The following ZBTB20 variants were observed in gnomAD, a reference collection of about 807,000 sequenced individuals.
ZBTB20 encodes zinc finger and BTB domain containing 20, also known as zinc finger and BTB domain-containing protein 20.
ZBTB20 carries 9 observed loss-of-function variants against 56.9 expected under a neutral mutation model. The ratio of observed to expected loss-of-function variants is 0.16; its 90% CI spans 0.10 to 0.28. ZBTB20 has a LOEUF of 0.28. Ranked by LOEUF, ZBTB20 falls within the 10% of genes least tolerant of loss-of-function variation. ZBTB20 has a pLI of 1.00. For synonymous variants in ZBTB20, 417 were observed against 420.7 expected (o/e 0.99, Z 0.11); for missense variants, 655 against 1,003.0 (o/e 0.65, Z 4.69).
chr3:114,521,689 T>TA (rs2109935886), intron 6 of ZBTB20, among the ~76,000 whole-genome samples: 1 of 152,296 alleles, frequency 6.6e-6, no homozygotes, highest in Admixed American at 6.5e-5. Context: ...TATTCCCTGA[T>TA]AAACATTTAC....
chr3:114,332,013 G>T lies in ZBTB20; in HGVS notation c.*6992C>A, dbSNP rs561736673. On this transcript the variant is annotated 3_prime_UTR_variant, in exon 12 of 12. Transcript: ENST00000675478. ...ATATAAATTGCAATGAGTTTGCTGG[G>T]TAAAAACAACTGTTGCAACACTAGT... 6.7e-6 allele frequency: 1 copy of T among 149,726 alleles called. No homozygotes were observed. Among genetic ancestry groups the T allele is most frequent in the African/African-American group, 2.5e-5 (1 of 40,764 alleles). The allele number at this position is 149,726 out of a possible 1,614,324, so 9.3% of individuals were successfully genotyped here. A position where few individuals can be genotyped will look rare whatever the true frequency, so the allele number is the denominator to read the frequency against.
At chr3:114,629,398 A>C (rs1255305298) in intron 6 of ZBTB20, among the ~76,000 whole-genome samples, 1 of 152,154 alleles carries the variant, frequency 6.6e-6, no homozygotes, top group South Asian at 2.1e-4. Flanking sequence ...ACATCTTTTC[A>C]GGGTCAACAA....
intron 6 of ZBTB20, among the ~76,000 whole-genome samples, chr3:114,514,441 C>T (rs2045754395): frequency 6.6e-6 from 1 of 152,088 alleles, no homozygotes; most frequent in Non-Finnish European, 1.5e-5. Flanking sequence ...GGAGACAGGG[C>T]CCATAGGAGC....
chr3:115,058,911 T>C lies in ZBTB20; in HGVS notation c.-507+12308A>G, dbSNP rs76201133. ...TGTGCTTCAGATTGGATAGTTTCTATTGCTATGTCTTCACATTCACTAATC... is the reference window on the plus strand; with the variant it reads ...TGTGCTTCAGATTGGATAGTTTCTACTGCTATGTCTTCACATTCACTAATC... On this transcript the variant is annotated intron_variant, in intron 2 of 11. Transcript: ENST00000675478. 3.9e-3 allele frequency among the ~76,000 whole-genome samples: 596 copies of C among 152,322 alleles called. 4 individuals carry two copies. Among genetic ancestry groups the C allele is most frequent in the African/African-American group, 0.013 (556 of 41,576 alleles).
In ZBTB20 at chr3:114,580,661, A is replaced by G. The variant is rs931579119; in HGVS notation, c.-294-80270T>C. Reference sequence around the variant, plus strand: ...CAGCAAAGTTGCTGAATATATAACAATAATAACCAATAAACAATGAAATGG... The same window carrying G: ...CAGCAAAGTTGCTGAATATATAACAGTAATAACCAATAAACAATGAAATGG... On this transcript the variant is annotated intron_variant, in intron 6 of 11. Coordinates refer to ENST00000675478, the MANE Select transcript of ZBTB20 (RefSeq NM_001348800.3). 7.2e-5 allele frequency among the ~76,000 whole-genome samples: 11 copies of G among 151,898 alleles called. No individual in the cohort carries two copies. The East Asian group carries it at 1.9e-3, about 27-fold the overall frequency.
At chr3:114,341,917 G>A (rs2079805762) in intron 11 of ZBTB20, among the ~76,000 whole-genome samples, 1 of 152,188 alleles carries the variant, frequency 6.6e-6, no homozygotes, top group Non-Finnish European at 1.5e-5. Flanking sequence ...GTCACTGAAT[G>A]CATTAACAGT....
At chr3:115,021,434 C>A (rs1043851408) in intron 2 of ZBTB20, among the ~76,000 whole-genome samples, 1 of 150,614 alleles carries the variant, frequency 6.6e-6, no homozygotes, top group Non-Finnish European at 1.5e-5. Flanking sequence ...CACATATACA[C>A]GTAAAGTTAA....
chr3:114,728,912 A>G (rs1287184915), intron 5 of ZBTB20, among the ~76,000 whole-genome samples: 1 of 151,980 alleles, frequency 6.6e-6, no homozygotes, highest in Admixed American at 6.6e-5. Flanking sequence ...TCATGTCCTC[A>G]GGGGAGGGCA....
intron 5 of ZBTB20, among the ~76,000 whole-genome samples, chr3:114,733,358 C>A (rs990769244): frequency 6.6e-6 from 1 of 152,160 alleles, no homozygotes; most frequent in Non-Finnish European, 1.5e-5. Context: ...GCAGAGTGTG[C>A]CTGCTTCTGC....
chr3:114,954,375 C>T (rs2077175548), intron 3 of ZBTB20, among the ~76,000 whole-genome samples: 1 of 152,018 alleles, frequency 6.6e-6, no homozygotes, highest in African/African-American at 2.4e-5. Context: ...AGGTAGGTAG[C>T]TATAAAAATA....
rs1367103357 is a variant in ZBTB20 at position 114,979,959 on chromosome 3, C to A, written c.-506-5543G>T. Reference sequence around the variant, plus strand: ...TGAAATAAAGTCAAATTCCATGGAGCTGGAGCTCGAGAGCAACAACAAAAG... The same window carrying A: ...TGAAATAAAGTCAAATTCCATGGAGATGGAGCTCGAGAGCAACAACAAAAG... On this transcript the variant is annotated intron_variant, in intron 2 of 11. Coordinates refer to ENST00000675478, the MANE Select transcript of ZBTB20 (RefSeq NM_001348800.3). Among the ~76,000 whole-genome samples, 6 of 152,012 alleles carry A rather than the reference C, an allele frequency of 3.9e-5. No homozygotes were observed. The East Asian group carries it at 1.2e-3, about 29-fold the overall frequency.
chr3:114,673,817 G>A (rs754485530), intron 6 of ZBTB20, among the ~76,000 whole-genome samples: 2 of 152,054 alleles, frequency 1.3e-5, no homozygotes, highest in Non-Finnish European at 2.9e-5. Flanking sequence ...GTTGAAATAC[G>A]TTCATAATGT....
At position 114,917,976 on chromosome 3, in the gene ZBTB20, C is replaced by T. The variant is rs577723358; in HGVS notation, c.-455-17634G>A. ...GTCCTTTTTTTCATGGCACCGAATG[C>T]CCCCGGCCCCAGATGGTTCCAGAGA... On this transcript the variant is annotated intron_variant, in intron 3 of 11. Coordinates refer to ENST00000675478, the MANE Select transcript of ZBTB20 (RefSeq NM_001348800.3). Among the ~76,000 whole-genome samples the T allele has an allele frequency of 2.7e-5, 4 of 150,468 alleles. No individual in the cohort carries two copies. In the East Asian group the frequency reaches 5.9e-4, roughly 22 times the overall value.
At chr3:114,670,521 A>G (rs1366291136) in intron 6 of ZBTB20, among the ~76,000 whole-genome samples, 2 of 152,078 alleles carry the variant, frequency 1.3e-5, no homozygotes, top group African/African-American at 4.8e-5. Flanking sequence ...TAGAGAAGGT[A>G]GAGATAGTTT....
intron 2 of ZBTB20, among the ~76,000 whole-genome samples, chr3:114,988,990 T>G (rs2078679970): frequency 6.6e-6 from 1 of 152,204 alleles, no homozygotes; most frequent in South Asian, 2.1e-4. Context: ...CTTTGTAGAT[T>G]CTGGATATTA....
At chr3:114,418,240 T>C (rs1324772690) in intron 7 of ZBTB20, among the ~76,000 whole-genome samples, 2 of 152,086 alleles carry the variant, frequency 1.3e-5, no homozygotes, top group African/African-American at 2.4e-5. Context: ...CCTGATGCCC[T>C]TTGAATTTCA....
intron 5 of ZBTB20, among the ~76,000 whole-genome samples, chr3:114,799,123 C>T (rs1448973094): frequency 6.6e-6 from 1 of 151,812 alleles, no homozygotes. Context: ...TTCCCAAATC[C>T]CTGGCCTCTT....
chr3:114,416,341 A>C (rs985033038), intron 7 of ZBTB20, among the ~76,000 whole-genome samples: 27 of 135,452 alleles, frequency 2.0e-4, no homozygotes, highest in East Asian at 1.5e-3. Flanking sequence ...AAAAAAAAAA[A>C]AACAACTAAC....
At chr3:114,535,659 G>A (rs891964165) in intron 6 of ZBTB20, among the ~76,000 whole-genome samples, 6 of 152,188 alleles carry the variant, frequency 3.9e-5, no homozygotes, top group Non-Finnish European at 8.8e-5. Flanking sequence ...GAATCATCCT[G>A]ATACCAAAAC....
Sources: allele counts gnomAD v4.1 joint callset (sites outside exome capture counted in the v4.1 genomes callset), GRCh38; gene constraint gnomAD v4.1.1; transcripts MANE v1.5; gene names NCBI Gene and HGNC (gene_info 2026-07-23, HGNC 2026-07-21).